The following BTN2A2 variants were observed in gnomAD, a reference collection of about 807,000 sequenced individuals.
The protein encoded by BTN2A2 is butyrophilin 2.
BTN2A2 carries 29 observed loss-of-function variants against 34.7 expected under a neutral mutation model. That is an observed-to-expected ratio of 0.84 (90% CI 0.62 to 1.14). The LOEUF is 1.14. BTN2A2 is among the 50% of genes most tolerant of loss of function. BTN2A2 has a pLI of 0.00. For synonymous variants in BTN2A2, 240 were observed against 253.1 expected, an observed-to-expected ratio of 0.95 and a Z score of 0.49; for missense variants, 612 against 651.5, an observed-to-expected ratio of 0.94 and a Z score of 0.66.
Position 26,383,861 on chromosome 6 carries a change from T to TCC in BTN2A2, c.42_43dup (p.Leu15ProfsTer90), listed in dbSNP as rs1010279775. ...TGCTCTGCACTTCTCCCTGCCAGCC[T>TCC]CCCTCCTCCTCCTCCTGCTCCTCCT... On this transcript the variant is annotated frameshift_variant, in exon 2 of 8. Transcript: ENST00000356709. LOFTEE classifies it high-confidence loss of function. The surrounding 1 kb of genome is among the most constrained non-coding windows in gnomAD (Gnocchi z 4.4). 1.9e-6 allele frequency: 3 copies of TCC among 1,614,056 alleles called. No individual in the cohort carries two copies. The highest frequency in any genetic ancestry group is 2.5e-6 in the Non-Finnish European group (3 of 1,179,990).
At position 26,388,156 on chromosome 6, in the gene BTN2A2, G is replaced by T; in HGVS notation, c.586G>T (p.Val196Phe). 1 of 1,614,206 alleles carries T rather than the reference G, an allele frequency of 6.2e-7. No individual in the cohort carries two copies. Among genetic ancestry groups the T allele is most frequent in the Non-Finnish European group, 8.5e-7 (1 of 1,180,034 alleles). Reference sequence around the variant, plus strand: ...TGAGGTTGTGCCCGCCCTGAAGGAGGTTTCCATCGCTGATGCTGACGGCCT... The same window carrying T: ...TGAGGTTGTGCCCGCCCTGAAGGAGTTTTCCATCGCTGATGCTGACGGCCT... ...YGEVVPALKE[V>F]SIADADGLFM... The change falls in exon 4 of 8, where the codon GTT becomes TTT. Residue 196 changes from valine (V) to phenylalanine (F), a missense_variant. Coordinates refer to ENST00000356709, the MANE Select transcript of BTN2A2 (RefSeq NM_006995.5).
At position 26,383,942 on chromosome 6, in the gene BTN2A2, T is replaced by C; in HGVS notation, c.94+27T>C. On this transcript the variant is annotated intron_variant, in intron 2 of 7. Transcript: ENST00000356709. The surrounding 1 kb of genome is among the most constrained non-coding windows in gnomAD (Gnocchi z 4.4). ...TAGGGATGTGTGTCACTTGCTGCTGTCACCTCTCAGAAAGGAACATCAACC... is the reference window on the plus strand; with the variant it reads ...TAGGGATGTGTGTCACTTGCTGCTGCCACCTCTCAGAAAGGAACATCAACC... 6.2e-7 allele frequency: 1 copy of C among 1,600,336 alleles called. No individual in the cohort carries two copies.
At position 26,392,807 on chromosome 6, in the gene BTN2A2, G is replaced by T. The variant is rs1761684832; in HGVS notation, c.1412G>T (p.Cys471Phe). ...AGGGACAGATCGCACATCTACACAT[G>T]TCCCCGTTCAGCCTTTACTGTGCCT... is the stretch of plus-strand genomic sequence containing the variant. ...NMRDRSHIYT[C>F]PRSAFTVPVR... The change falls in exon 8 of 8, where the codon TGT becomes TTT. Residue 471 changes from cysteine to phenylalanine, a missense_variant. By Grantham distance (205) the Cys-to-Phe change is radical (BLOSUM62 -2). Transcript: ENST00000356709. 1.9e-6 allele frequency: 3 copies of T among 1,614,182 alleles called. No homozygotes were observed. The South Asian group carries it at 3.3e-5, about 18-fold the overall frequency.
In BTN2A2 at chr6:26,394,148, TTAA is replaced by T. The variant is rs1375413571; in HGVS notation, c.*1183_*1185del. 1.4e-5 allele frequency: 8 copies of T among 573,302 alleles called. No individual in the cohort carries two copies. The highest frequency in any genetic ancestry group is 5.7e-5 in the East Asian group (2 of 35,090). The allele number at this position is 573,302 out of a possible 1,614,324, so 35.5% of individuals were successfully genotyped here. A position where few individuals can be genotyped will look rare whatever the true frequency, so the allele number is the denominator to read the frequency against. On this transcript the variant is annotated 3_prime_UTR_variant, in exon 8 of 8. Coordinates refer to ENST00000356709, the MANE Select transcript of BTN2A2 (RefSeq NM_006995.5). ...ACTGAGAGAATGAGATGAAAAACGATTAATGTTTCATTATTATTATTGTGAAAA... is the reference window on the plus strand; with the variant it reads ...ACTGAGAGAATGAGATGAAAAACGATTGTTTCATTATTATTATTGTGAAAA...
rs1213535308 is a variant in BTN2A2 at position 26,390,557 on chromosome 6, TC to T, written c.932-128del. On this transcript the variant is annotated intron_variant, in intron 5 of 7. Transcript: ENST00000356709. ...TACATCATTGCTGGTTTCTGACTGT[TC>T]CTTAGGCATAAACGAAGGGTGATGT... The T allele has an allele frequency of 4.4e-6, 5 of 1,138,850 alleles. No homozygotes were observed. In the Admixed American group the frequency reaches 9.1e-5, roughly 21 times the overall value. The allele number at this position is 1,138,850 out of a possible 1,614,324, so 70.5% of individuals were successfully genotyped here.
chr6:26,388,141 C>A lies in BTN2A2; in HGVS notation c.571C>A (p.Pro191Thr). 1 of 1,614,152 alleles carries A rather than the reference C, an allele frequency of 6.2e-7. No individual in the cohort carries two copies. The highest frequency in any genetic ancestry group is 8.5e-7 in the Non-Finnish European group (1 of 1,180,008). ...VWRDPYGEVV[P>T]ALKEVSIADA... Reference sequence around the variant, plus strand: ...GAGGGACCCCTACGGTGAGGTTGTGCCCGCCCTGAAGGAGGTTTCCATCGC... The same window carrying A: ...GAGGGACCCCTACGGTGAGGTTGTGACCGCCCTGAAGGAGGTTTCCATCGC... The change falls in exon 4 of 8, where the codon CCC (proline) becomes ACC (threonine). Residue 191 changes from proline to threonine, a missense_variant. Transcript: ENST00000356709.
chr6:26,393,026 G>T lies in BTN2A2; in HGVS notation c.*59G>T. On this transcript the variant is annotated 3_prime_UTR_variant, in exon 8 of 8. Transcript: ENST00000356709. ...AGCCCTGGCCATCTCAGCAGCCACC[G>T]CACAACCCCCCTAATGAAAGACACG... 6.2e-7 allele frequency: 1 copy of T among 1,612,936 alleles called. No homozygotes were observed. Among genetic ancestry groups the T allele is most frequent in the Non-Finnish European group, 8.5e-7 (1 of 1,179,434 alleles).
Position 26,388,282 on chromosome 6 carries a change from A to AT in BTN2A2, c.717dup (p.Ile240TyrfsTer64). On this transcript the variant is annotated frameshift_variant, in exon 4 of 8. Coordinates refer to ENST00000356709, the MANE Select transcript of BTN2A2 (RefSeq NM_006995.5). LOFTEE classifies it high-confidence loss of function. Reference sequence around the variant, plus strand: ...GCTCGGCCAGGAGAAGGAAACTGTCATTTTTATTCCAGGTTAGTTCTCTGC... The same window carrying AT: ...GCTCGGCCAGGAGAAGGAAACTGTCATTTTTTATTCCAGGTTAGTTCTCTGC... 6.2e-7 allele frequency: 1 copy of AT among 1,614,092 alleles called. No individual in the cohort carries two copies. The highest frequency in any genetic ancestry group is 1.1e-5 in the South Asian group (1 of 91,080).
Position 26,388,097 on chromosome 6 carries a change from C to T in BTN2A2, c.527C>T (p.Pro176Leu). Residue 176 changes from proline to leucine, a missense_variant, in exon 4 of 8, where the codon CCA (proline) becomes CTA (leucine). Coordinates refer to ENST00000356709, the MANE Select transcript of BTN2A2 (RefSeq NM_006995.5). ...WLECISGGWY[P>L]EPLTVWRDPY... ...GAGTGCATATCTGGAGGGTGGTACC[C>T]AGAGCCCCTCACAGTGTGGAGGGAC... 2 of 1,613,998 alleles carry T rather than the reference C, an allele frequency of 1.2e-6. No homozygotes were observed. The highest frequency in any genetic ancestry group is 1.7e-6 in the Non-Finnish European group (2 of 1,179,994).
rs556765895 is a variant in BTN2A2 at position 26,394,700 on chromosome 6, G to A, written c.*1733G>A. ...CCAGCCTACAGATGAGCTGTTGTGC[G>A]ATTTCTTAGCCTCCATAATCACATG... On this transcript the variant is annotated 3_prime_UTR_variant, in exon 8 of 8. Transcript: ENST00000356709. 3.6e-5 allele frequency: 8 copies of A among 221,934 alleles called. No individual in the cohort carries two copies. In the East Asian group the frequency reaches 4.1e-4, roughly 11 times the overall value. 13.7% of individuals were successfully genotyped at this position (221,934 alleles called of 1,614,324 possible).
intron 7 of BTN2A2, chr6:26,391,643 G>A (rs193148794): frequency 1.3e-5 from 2 of 154,276 alleles, no homozygotes; most frequent in Admixed American, 1.3e-4. Flanking sequence ...AATACATGCA[G>A]AAGGTAGAGG....
In BTN2A2 at chr6:26,385,303, G is replaced by A. The variant is rs752299416; in HGVS notation, c.383G>A (p.Arg128His). The change falls in exon 3 of 8, where the codon CGC becomes CAC. Residue 128 changes from arginine (R) to histidine (H), a missense_variant. Coordinates refer to ENST00000356709, the MANE Select transcript of BTN2A2 (RefSeq NM_006995.5). ...ACAGCCCAGGAGAATGGGATCTACC[G>A]CTGTTACTTCCAAGAAGGCAGGTCC... Reference protein sequence around the residue: ...NVTAQENGIYRCYFQEGRSYD... With the variant: ...NVTAQENGIYHCYFQEGRSYD... 26 of 1,614,004 alleles carry A rather than the reference G, an allele frequency of 1.6e-5. No homozygotes were observed. Among genetic ancestry groups the A allele is most frequent in the African/African-American group, 6.7e-5 (5 of 74,898 alleles).
chr6:26,387,580 A>G (rs981146525), intron 3 of BTN2A2, among the ~76,000 whole-genome samples: 24 of 128,154 alleles, frequency 1.9e-4, no homozygotes, highest in Admixed American at 3.0e-4. Flanking sequence ...AAAAAAAAAA[A>G]AAAGAAAGAA....
At position 26,393,597 on chromosome 6, in the gene BTN2A2, A is replaced by G. The variant is rs895141658; in HGVS notation, c.*630A>G. On this transcript the variant is annotated 3_prime_UTR_variant, in exon 8 of 8. Transcript: ENST00000356709. ...CCTGGGATGAAGATGAATGAAGAAC[A>G]TGGACTCATGTGGATGTGGTTTGGC... 7.0e-6 allele frequency: 7 copies of G among 1,003,834 alleles called. No individual in the cohort carries two copies. The highest frequency in any genetic ancestry group is 1.1e-4 in the Admixed American group (2 of 18,932). 62.2% of individuals were successfully genotyped at this position (1,003,834 alleles called of 1,614,324 possible). A position where few individuals can be genotyped will look rare whatever the true frequency, so the allele number is the denominator to read the frequency against.
chr6:26,384,878 C>T lies in BTN2A2; in HGVS notation c.95-137C>T, dbSNP rs1326427949. 1 of 953,222 alleles carries T rather than the reference C, an allele frequency of 1.0e-6. No homozygotes were observed. Among genetic ancestry groups the T allele is most frequent in the Non-Finnish European group, 1.5e-6 (1 of 652,338 alleles). The allele number at this position is 953,222 out of a possible 1,614,324, so 59.0% of individuals were successfully genotyped here. On this transcript the variant is annotated intron_variant, in intron 2 of 7. Transcript: ENST00000356709. This position sits in a 1 kb window ranked among gnomAD's most constrained non-coding sequence, Gnocchi z 4.0. ...CCCAGAAGGGTTCTCAGCCCAAGAA[C>T]CCCTGTAGCCTTGGAATATCTGCTT...
chr6:26,390,618 T>C, intron 5 of BTN2A2, 69 bp from the exon 6 acceptor site: 2 of 1,604,044 alleles, frequency 1.2e-6, no homozygotes, highest in South Asian at 2.2e-5. Flanking sequence ...CTACGTTGTT[T>C]AATACAAGCT....
intron 3 of BTN2A2, 190 bp downstream of exon 3, chr6:26,385,552 CTTT>C (rs757053830): frequency 2.0e-3 from 843 of 425,810 alleles, no homozygotes; most frequent in South Asian, 2.4e-3. Flanking sequence ...GGTTTCACTT[CTTT>C]TTTTTTTTTT....
intron 7 of BTN2A2, chr6:26,391,954 T>A (rs774010121): frequency 1.8e-5 from 9 of 490,132 alleles, no homozygotes; most frequent in Non-Finnish European, 3.3e-5. Flanking sequence ...AATTGATCCA[T>A]TGAGAGGTAT....
chr6:26,383,728 T>C lies in BTN2A2; in HGVS notation c.-30-64T>C, dbSNP rs975531954. 5.3e-6 allele frequency: 7 copies of C among 1,311,264 alleles called. No individual in the cohort carries two copies. Among genetic ancestry groups the C allele is most frequent in the South Asian group, 3.6e-5 (3 of 83,644 alleles). The allele number at this position is 1,311,264 out of a possible 1,614,324, so 81.2% of individuals were successfully genotyped here. A position where few individuals can be genotyped will look rare whatever the true frequency, so the allele number is the denominator to read the frequency against. On this transcript the variant is annotated intron_variant, in intron 1 of 7. Transcript: ENST00000356709. The surrounding 1 kb of genome is among the most constrained non-coding windows in gnomAD (Gnocchi z 4.4). ...AGACCTACTTGAGTGACAGGAGAGG[T>C]TGGGCCCGACCAGCACTGAGGTGCC...
Sources: allele counts gnomAD v4.1 joint callset (sites outside exome capture counted in the v4.1 genomes callset), GRCh38; gene constraint gnomAD v4.1.1; non-coding constraint Gnocchi (gnomAD v3.1); transcripts MANE v1.5; gene names NCBI Gene and HGNC (gene_info 2026-07-23, HGNC 2026-07-21).